Variants in AKAP6 observed in about 807,000 individuals in gnomAD.
AKAP6 encodes A-kinase anchoring protein 6, also known as A-kinase anchor protein 6.
In AKAP6, 58 loss-of-function variants were observed where a neutral mutation model predicts 188.5. That is an observed-to-expected ratio of 0.31 (90% CI 0.25 to 0.38). The LOEUF is 0.38. AKAP6 is among the 10% of genes least tolerant of loss of function. The pLI, the probability that AKAP6 is intolerant of heterozygous loss-of-function variation, is 1.00. For synonymous variants in AKAP6, 989 were observed against 998.6 expected, an observed-to-expected ratio of 0.99 and a Z score of 0.18; for missense variants, 2,710 against 2,740.0, an observed-to-expected ratio of 0.99 and a Z score of 0.24.
chr14:32,439,256 G>A (rs1890488387), intron 2 of AKAP6, among the ~76,000 whole-genome samples: 1 of 152,286 alleles, frequency 6.6e-6, no homozygotes, highest in East Asian at 1.9e-4. Context: ...AAAAAGGATT[G>A]AATCCTCTCC....
intron 12 of AKAP6, among the ~76,000 whole-genome samples, chr14:32,781,898 C>T (rs941431313): frequency 1.2e-4 from 18 of 152,082 alleles, no homozygotes; most frequent in African/African-American, 3.4e-4. Context: ...TGTGGTGGCT[C>T]ACACCTGTAA....
At chr14:32,351,126 C>G (rs1413133596) in intron 1 of AKAP6, among the ~76,000 whole-genome samples, 1 of 152,194 alleles carries the variant, frequency 6.6e-6, no homozygotes, top group African/African-American at 2.4e-5. Context: ...ACAAAGGTAT[C>G]AAACTGTCGA....
intron 12 of AKAP6, among the ~76,000 whole-genome samples, chr14:32,807,614 T>G (rs2034123455): frequency 6.6e-6 from 1 of 152,230 alleles, no homozygotes; most frequent in Non-Finnish European, 1.5e-5. Flanking sequence ...AATATTAAAT[T>G]GCCTTTTTAA....
At chr14:32,466,066 T>C (rs1878405344) in intron 2 of AKAP6, among the ~76,000 whole-genome samples, 1 of 152,116 alleles carries the variant, frequency 6.6e-6, no homozygotes, top group African/African-American at 2.4e-5. Flanking sequence ...CATTAAAAAG[T>C]CAGGAAACAA....
rs2030886073 is a variant in AKAP6, at chr14:32,726,594, GAA to G, written c.3001-5857_3001-5856del. 2.6e-5 allele frequency among the ~76,000 whole-genome samples: 4 copies of G among 152,370 alleles called. No individual in the cohort carries two copies. The South Asian group carries it at 8.3e-4, about 32-fold the overall frequency. Reference sequence around the variant, plus strand: ...TATTGGCGCATTAACACGTTATGGTGAAAAGAGAGGCTTGTGCTTTTCACGCA... The same window carrying G: ...TATTGGCGCATTAACACGTTATGGTGAAGAGAGGCTTGTGCTTTTCACGCA... On this transcript the variant is annotated intron_variant, in intron 9 of 13. Coordinates refer to ENST00000280979, the MANE Select transcript of AKAP6 (RefSeq NM_004274.5).
At chr14:32,569,492 C>T (rs1451659243) in intron 4 of AKAP6, among the ~76,000 whole-genome samples, 1 of 152,130 alleles carries the variant, frequency 6.6e-6, no homozygotes, top group Non-Finnish European at 1.5e-5. Flanking sequence ...GTCCAAAGCA[C>T]AGCTTTTAAC....
intron 4 of AKAP6, among the ~76,000 whole-genome samples, chr14:32,556,459 C>T (rs1050749238): frequency 2.0e-5 from 3 of 152,178 alleles, no homozygotes; most frequent in African/African-American, 7.2e-5. Flanking sequence ...CCACCTGCCT[C>T]AGTCTCCTGA....
chr14:32,678,894 A>G (rs960052808), intron 8 of AKAP6, among the ~76,000 whole-genome samples: 1 of 152,208 alleles, frequency 6.6e-6, no homozygotes, highest in East Asian at 1.9e-4. Flanking sequence ...AAATTTAATA[A>G]TTGTTTAGAG....
intron 8 of AKAP6, among the ~76,000 whole-genome samples, chr14:32,685,184 A>T (rs1889857003): frequency 6.6e-6 from 1 of 152,116 alleles, no homozygotes. Flanking sequence ...GGATTGCTTG[A>T]GCCCAGGAGG....
At chr14:32,795,640 T>G (rs368689275) in intron 12 of AKAP6, among the ~76,000 whole-genome samples, 1 of 152,290 alleles carries the variant, frequency 6.6e-6, no homozygotes, top group Non-Finnish European at 1.5e-5. Context: ...GGAACATACC[T>G]TAAAATAATA....
intron 11 of AKAP6, among the ~76,000 whole-genome samples, chr14:32,764,424 T>C (rs1025457926): frequency 6.6e-6 from 1 of 152,220 alleles, no homozygotes; most frequent in African/African-American, 2.4e-5. Context: ...AGAAAGAGGT[T>C]GTTGGCTGTC....
At chr14:32,744,155 T>G (rs986666616) in intron 11 of AKAP6, among the ~76,000 whole-genome samples, 4 of 152,310 alleles carry the variant, frequency 2.6e-5, no homozygotes, top group Non-Finnish European at 4.4e-5. Flanking sequence ...GCCTGCCATA[T>G]TGGAGCTCCA....
chr14:32,504,317 G>A (rs1370019985), intron 2 of AKAP6, among the ~76,000 whole-genome samples: 1 of 152,108 alleles, frequency 6.6e-6, no homozygotes, highest in Admixed American at 6.5e-5. Flanking sequence ...GTCTTGCCCT[G>A]TTGTCCAGGC....
chr14:32,391,642 C>T (rs1888720870), intron 1 of AKAP6, among the ~76,000 whole-genome samples: 1 of 152,116 alleles, frequency 6.6e-6, no homozygotes. Context: ...ATAGTGAGCT[C>T]TCTTGAGATC....
chr14:32,387,381 G>A (rs1410825295), intron 1 of AKAP6, among the ~76,000 whole-genome samples: 1 of 151,552 alleles, frequency 6.6e-6, no homozygotes, highest in Non-Finnish European at 1.5e-5. Context: ...GTTCTCAGAG[G>A]GAATGCTTTC....
At chr14:32,499,346 A>G (rs1290666951) in intron 2 of AKAP6, among the ~76,000 whole-genome samples, 62 of 151,138 alleles carry the variant, frequency 4.1e-4, no homozygotes, top group African/African-American at 1.2e-3. Context: ...AAAAAAAAAA[A>G]AGAGAGAAAG....
chr14:32,518,611 T>C lies in AKAP6; in HGVS notation c.325-16943T>C, dbSNP rs368579879. Among the ~76,000 whole-genome samples, 281 of 152,176 alleles carry C rather than the reference T, an allele frequency of 1.8e-3. 1 individual carries two copies. Among genetic ancestry groups the C allele is most frequent in the East Asian group, 7.1e-3 (37 of 5,186 alleles). ...AGGGTATCAGTGATTGAAGATCAAA[T>C]GTATGAAATGAAGCGAGAAGAGAAG... On this transcript the variant is annotated intron_variant, in intron 2 of 13. Coordinates refer to ENST00000280979, the MANE Select transcript of AKAP6 (RefSeq NM_004274.5).
chr14:32,668,106 A>G (rs1369790333), intron 7 of AKAP6, among the ~76,000 whole-genome samples: 6 of 152,144 alleles, frequency 3.9e-5, no homozygotes, highest in Non-Finnish European at 7.4e-5. Flanking sequence ...GAGGATGCCT[A>G]TGTCATTGTG....
chr14:32,823,186 G>C lies in AKAP6; in HGVS notation c.5373G>C (p.Leu1791Phe). Residue 1791 changes from leucine (L) to phenylalanine (F), a missense_variant, in exon 13 of 14, where the codon TTG (leucine) becomes TTC (phenylalanine). Coordinates refer to ENST00000280979, the MANE Select transcript of AKAP6 (RefSeq NM_004274.5). ...TDDEIYEDCT[L>F]MSGLDYIKNE... ...ATGAAATTTATGAAGACTGCACCTT[G>C]ATGTCAGGGCTAGACTACATAAAGA... is the stretch of plus-strand genomic sequence containing the variant. The C allele has an allele frequency of 6.2e-7, 1 of 1,613,804 alleles. No individual in the cohort carries two copies. The highest frequency in any genetic ancestry group is 1.3e-5 in the African/African-American group (1 of 74,996).
Sources: gnomAD v4.1 joint callset for allele counts (sites outside exome capture counted in the v4.1 genomes callset) on GRCh38, gnomAD v4.1.1 for gene constraint, MANE v1.5 for transcripts, NCBI Gene and HGNC (gene_info 2026-07-23, HGNC 2026-07-21) for gene names.